OR2L13: variants seen among roughly 807,000 people sequenced by gnomAD.
The protein encoded by OR2L13 is olfactory receptor family 2 subfamily L member 13, also known as olfactory receptor 2L13.
In OR2L13, 14 loss-of-function variants were observed where a neutral mutation model predicts 15.3. That is an observed-to-expected ratio of 0.91 (90% CI 0.60 to 1.43). OR2L13 has a LOEUF of 1.43. OR2L13 is among the 40% of genes most tolerant of loss of function. The probability of loss-of-function intolerance (pLI) is 0.00; values close to 1 mark genes in which losing one functional copy is unlikely to be tolerated. For synonymous variants in OR2L13, 152 were observed against 142.9 expected (o/e 1.06, Z -0.45); for missense variants, 367 against 387.9 (o/e 0.95, Z 0.45).
the OR2L13 span, chr1:248,028,990 CTT>C: frequency 3.9e-5 from 6 of 152,202 alleles, no homozygotes; most frequent in East Asian, 1.2e-3. Flanking sequence ...AATTCTTCGA[CTT>C]TTCAAATGCA....
the OR2L13 span, chr1:247,965,280 T>A: frequency 3.6e-6 from 5 of 1,381,178 alleles, no homozygotes; most frequent in Non-Finnish European, 4.9e-6. Context: ...GAATATTTAT[T>A]TCTGAATGCC....
At chr1:247,979,845 A>G in the OR2L13 span, among the ~76,000 whole-genome samples, 2 of 152,254 alleles carry the variant, frequency 1.3e-5, no homozygotes, top group South Asian at 2.1e-4. Context: ...TTTAAAAGGT[A>G]AAGAAATTCT....
the OR2L13 span, among the ~76,000 whole-genome samples, chr1:248,088,233 A>C: frequency 6.6e-6 from 1 of 152,042 alleles, no homozygotes; most frequent in Non-Finnish European, 1.5e-5. Context: ...ATACTTAGGA[A>C]TTACACTTTG....
the OR2L13 span, among the ~76,000 whole-genome samples, chr1:248,065,807 T>C: frequency 6.6e-6 from 1 of 152,028 alleles, no homozygotes; most frequent in Non-Finnish European, 1.5e-5. Flanking sequence ...ACAAATATGC[T>C]GAGTCAGCAT....
chr1:248,068,159 G>A, the OR2L13 span, among the ~76,000 whole-genome samples: 26 of 152,210 alleles, frequency 1.7e-4, no homozygotes, highest in South Asian at 1.2e-3. Flanking sequence ...CTCCCAGCAC[G>A]CAGCTGGAGA....
At chr1:248,061,389 C>T in the OR2L13 span, 1 of 1,614,084 alleles carries the variant, frequency 6.2e-7, no homozygotes, top group Admixed American at 1.7e-5. Flanking sequence ...GGAAGAAAGC[C>T]TACCTGACCT....
At chr1:248,039,258 T>A in the OR2L13 span, 2 of 1,484,336 alleles carry the variant, frequency 1.3e-6, no homozygotes. Flanking sequence ...AACTTAGTAG[T>A]GTACAGCAGT....
chr1:248,013,205 A>G, the OR2L13 span, among the ~76,000 whole-genome samples: 32 of 152,308 alleles, frequency 2.1e-4, no homozygotes, highest in African/African-American at 7.0e-4. Flanking sequence ...TTATTGCTAA[A>G]ATAAGCTAAA....
chr1:247,949,020 C>T, the OR2L13 span: 3 of 1,613,894 alleles, frequency 1.9e-6, no homozygotes, highest in Admixed American at 1.7e-5. Flanking sequence ...CACCCATCTC[C>T]ACACACCCAT....
At chr1:247,989,014 G>C in the OR2L13 span, among the ~76,000 whole-genome samples, 1 of 151,890 alleles carries the variant, frequency 6.6e-6, no homozygotes, top group African/African-American at 2.4e-5. Flanking sequence ...CATTCTATTG[G>C]GGAGAGCGTG....
At chr1:247,950,462 A>G in the OR2L13 span, among the ~76,000 whole-genome samples, 1 of 152,236 alleles carries the variant, frequency 6.6e-6, no homozygotes, top group South Asian at 2.1e-4. Flanking sequence ...GTGATCAAGA[A>G]TGATTACACT....
the OR2L13 span, among the ~76,000 whole-genome samples, chr1:248,019,950 G>A: frequency 6.6e-6 from 1 of 152,106 alleles, no homozygotes; most frequent in East Asian, 1.9e-4. Context: ...ACCACCCCTG[G>A]CTAATTTTTG....
chr1:248,031,515 G>C, the OR2L13 span, among the ~76,000 whole-genome samples: 1 of 152,170 alleles, frequency 6.6e-6, no homozygotes, highest in Non-Finnish European at 1.5e-5. Flanking sequence ...ATGGGGTCTT[G>C]GTGTGAATGA....
the OR2L13 span, chr1:247,990,831 C>T: frequency 1.3e-6 from 2 of 1,590,424 alleles, no homozygotes; most frequent in East Asian, 2.2e-5. Flanking sequence ...CCCTAGCCTG[C>T]ACGGATACCT....
the OR2L13 span, chr1:248,022,741 G>T: frequency 6.2e-7 from 1 of 1,614,012 alleles, no homozygotes; most frequent in Non-Finnish European, 8.5e-7. Flanking sequence ...AGATCCCTGC[G>T]ATCTCTGACA....
the OR2L13 span, chr1:248,003,644 G>T: frequency 1.3e-5 from 21 of 1,612,078 alleles, 1 homozygote; most frequent in Middle Eastern, 1.7e-4. Flanking sequence ...CCCATCTAGG[G>T]TTATCAATCA....
At chr1:247,948,189 G>C in the OR2L13 span, among the ~76,000 whole-genome samples, 1 of 151,770 alleles carries the variant, frequency 6.6e-6, no homozygotes, top group African/African-American at 2.4e-5. Flanking sequence ...CTCCAGCCTG[G>C]GTAACAGAGA....
chr1:248,086,874 T>C, the OR2L13 span, among the ~76,000 whole-genome samples: 1 of 151,340 alleles, frequency 6.6e-6, no homozygotes, highest in Non-Finnish European at 1.5e-5. Context: ...TATACATTTC[T>C]ATTATATATA....
chr1:248,053,922 G>C, the OR2L13 span, among the ~76,000 whole-genome samples: 2 of 152,056 alleles, frequency 1.3e-5, no homozygotes, highest in South Asian at 4.1e-4. Flanking sequence ...GTTCATTCTG[G>C]TGATAGTTTT....
Sources: allele counts gnomAD v4.1 joint callset (sites outside exome capture counted in the v4.1 genomes callset), GRCh38; gene constraint gnomAD v4.1.1; transcripts MANE v1.5; gene names NCBI Gene and HGNC (gene_info 2026-07-23, HGNC 2026-07-21).